ANKRD52: variants seen among roughly 807,000 people sequenced by gnomAD.
The protein encoded by ANKRD52 is ankyrin repeat domain 52, also known as serine/threonine-protein phosphatase 6 regulatory ankyrin repeat subunit C.
A neutral mutation model predicts 116.0 loss-of-function variants in ANKRD52; 7 were observed. The observed-to-expected ratio is 0.06, with a 90% CI of 0.03 to 0.11. ANKRD52 has a LOEUF of 0.11. Among genes scored for constraint, ANKRD52 ranks in the 10% least tolerant of loss-of-function variants. ANKRD52 has a pLI of 1.00. For synonymous variants in ANKRD52, 528 were observed against 578.1 expected (o/e 0.91, Z 1.24); for missense variants, 839 against 1,408.6 (o/e 0.60, Z 6.47).
intron 15 of ANKRD52, among the ~76,000 whole-genome samples, chr12:56,251,759 A>ATCC (rs1871703680): frequency 6.7e-6 from 1 of 150,146 alleles, no homozygotes; most frequent in South Asian, 2.1e-4. Context: ...AAAAAAAAAA[A>ATCC]ATCCATTCCT....
chr12:56,256,891 G>C (rs1871978848), intron 4 of ANKRD52, 124 bp downstream of exon 4: 2 of 1,060,524 alleles, frequency 1.9e-6, no homozygotes, highest in Non-Finnish European at 2.7e-6. Flanking sequence ...GCCAAGATTT[G>C]ATCTCCTCAC....
In ANKRD52 at chr12:56,248,430, AC is replaced by A; in HGVS notation, c.1776+64del. The A allele has an allele frequency of 6.6e-7, 1 of 1,515,562 alleles. No individual in the cohort carries two copies. The highest frequency in any genetic ancestry group is 9.0e-7 in the Non-Finnish European group (1 of 1,110,482). 93.9% of individuals were successfully genotyped at this position (1,515,562 alleles called of 1,614,324 possible). ...GAAGGATAACTTCACAAGTGCTGGC[AC>A]CTTTGTTAGGGCCTGGGAACAGGTA... On this transcript the variant is annotated intron_variant, in intron 17 of 27. Coordinates refer to ENST00000267116, the MANE Select transcript of ANKRD52 (RefSeq NM_173595.4). This position sits in a 1 kb window ranked among gnomAD's most constrained non-coding sequence, Gnocchi z 5.1.
intron 1 of ANKRD52, 88 bp from the exon 2 acceptor site, chr12:56,257,999 G>C: frequency 7.3e-7 from 1 of 1,370,356 alleles, no homozygotes; most frequent in Non-Finnish European, 1.0e-6. Context: ...CTAGGTTTGA[G>C]TGGGGGGCGT....
At position 56,248,967 on chromosome 12, in the gene ANKRD52, C is replaced by A; in HGVS notation, c.1593-97G>T. On this transcript the variant is annotated intron_variant, in intron 15 of 27. Transcript: ENST00000267116. This position sits in a 1 kb window ranked among gnomAD's most constrained non-coding sequence, Gnocchi z 5.1. ...GAGGAGAGGACCAAGGCCCTCCAGG[C>A]CTACCTGGCCGCCACCCGTCCTCAG... 3 of 821,422 alleles carry A rather than the reference C, an allele frequency of 3.7e-6. No homozygotes were observed. The highest frequency in any genetic ancestry group is 5.6e-6 in the Non-Finnish European group (3 of 532,872). The allele number at this position is 821,422 out of a possible 1,614,324, so 50.9% of individuals were successfully genotyped here.
chr12:56,258,295 C>T lies in ANKRD52; in HGVS notation c.-26G>A, dbSNP rs1464588389. ...GGCTCGGCCCGGGCTCCGTCCGCAT[C>T]GAGCTCCCGGCGGCGGCGGCGGCGG... On this transcript the variant is annotated 5_prime_UTR_variant, in exon 1 of 28. Coordinates refer to ENST00000267116, the MANE Select transcript of ANKRD52 (RefSeq NM_173595.4). 1.3e-6 allele frequency: 2 copies of T among 1,549,860 alleles called. No individual in the cohort carries two copies. The highest frequency in any genetic ancestry group is 5.2e-5 in the East Asian group (2 of 38,552).
rs763922562 is a variant in ANKRD52 at position 56,245,433 on chromosome 12, A to G, written c.2348T>C (p.Leu783Pro). Reference protein sequence around the residue: ...LLQAALSTDPLDAGVDYSGYS... With the variant: ...LLQAALSTDPPDAGVDYSGYS... ...TCCGCTGTAATCCACCCCGGCATCC[A>G]GGGGATCTGTGGAAAGGGCAGCCTG... is the stretch of plus-strand genomic sequence containing the variant. Residue 783 changes from leucine (L) to proline (P), a missense_variant, in exon 21 of 28, where the codon CTG becomes CCG. Physicochemically the swap from Leu to Pro is moderately conservative, Grantham distance 98. This residue lies in a region of ANKRD52 where 552 missense variants were observed against 810.6 expected (regional missense o/e 0.68). Transcript: ENST00000267116. 5 of 1,612,952 alleles carry G rather than the reference A, an allele frequency of 3.1e-6. No homozygotes were observed. Among genetic ancestry groups the G allele is most frequent in the Admixed American group, 3.4e-5 (2 of 59,692 alleles).
At position 56,237,899 on chromosome 12, in the gene ANKRD52, G is replaced by A. The variant is rs1450139953; in HGVS notation, c.*5243C>T. 1 of 882,048 alleles carries A rather than the reference G, an allele frequency of 1.1e-6. No individual in the cohort carries two copies. The highest frequency in any genetic ancestry group is 1.6e-6 in the Non-Finnish European group (1 of 618,686). 54.6% of individuals were successfully genotyped at this position (882,048 alleles called of 1,614,324 possible). Reference sequence around the variant, plus strand: ...CCAAAACAGCATAGAAAACCAGAGTGTGGTGGGAGGACCCGAAGCCGGTTG... The same window carrying A: ...CCAAAACAGCATAGAAAACCAGAGTATGGTGGGAGGACCCGAAGCCGGTTG... On this transcript the variant is annotated 3_prime_UTR_variant, in exon 28 of 28. Transcript: ENST00000267116.
In ANKRD52 at chr12:56,243,655, G is replaced by A; in HGVS notation, c.2980+130C>T. 2 of 1,070,924 alleles carry A rather than the reference G, an allele frequency of 1.9e-6. No homozygotes were observed. Among genetic ancestry groups the A allele is most frequent in the Non-Finnish European group, 2.7e-6 (2 of 742,040 alleles). 66.3% of individuals were successfully genotyped at this position (1,070,924 alleles called of 1,614,324 possible). A position where few individuals can be genotyped will look rare whatever the true frequency, so the allele number is the denominator to read the frequency against. On this transcript the variant is annotated intron_variant, in intron 27 of 27. Transcript: ENST00000267116. The surrounding 1 kb of genome is among the most constrained non-coding windows in gnomAD (Gnocchi z 4.6). The stretch of plus-strand genomic sequence containing the variant: ...CCCTCTGAGACTCCAGAGTACTGGT[G>A]TGGGCTCCCTGCTCTGAAGAGTTCC...
At position 56,248,004 on chromosome 12, in the gene ANKRD52, G is replaced by C; in HGVS notation, c.1978+19C>G. 6.3e-7 allele frequency: 1 copy of C among 1,575,900 alleles called. No individual in the cohort carries two copies. Among genetic ancestry groups the C allele is most frequent in the Non-Finnish European group, 8.6e-7 (1 of 1,166,946 alleles). On this transcript the variant is annotated intron_variant, in intron 18 of 27. Transcript: ENST00000267116. This position sits in a 1 kb window ranked among gnomAD's most constrained non-coding sequence, Gnocchi z 5.1. Reference sequence around the variant, plus strand: ...CTGGCATGGCAAGGGTAGGGCAGCAGCCTAAAGTGGGCACTAACCAGCAGC... The same window carrying C: ...CTGGCATGGCAAGGGTAGGGCAGCACCCTAAAGTGGGCACTAACCAGCAGC...
chr12:56,245,588 A>G lies in ANKRD52; in HGVS notation c.2193T>C (p.Thr731=). The G allele has an allele frequency of 6.2e-7, 1 of 1,605,340 alleles. No individual in the cohort carries two copies. Among genetic ancestry groups the G allele is most frequent in the Non-Finnish European group, 8.5e-7 (1 of 1,177,838 alleles). The stretch of plus-strand genomic sequence containing the variant: ...GGGCAGCCAGGCAGTCCTCACAGCC[A>G]GTCACTGCCTGTGAGTAACATGGGG... The part of the protein sequence containing the change: ...GRTALHRGAV[T]GCEDCLAALL... The change falls in exon 21 of 28, where the codon ACT becomes ACC. Residue 731 remains threonine (T), a synonymous_variant. Coordinates refer to ENST00000267116, the MANE Select transcript of ANKRD52 (RefSeq NM_173595.4).
At position 56,255,700 on chromosome 12, in the gene ANKRD52, T is replaced by G; in HGVS notation, c.462+84A>C. On this transcript the variant is annotated intron_variant, in intron 5 of 27. Coordinates refer to ENST00000267116, the MANE Select transcript of ANKRD52 (RefSeq NM_173595.4). This position sits in a 1 kb window ranked among gnomAD's most constrained non-coding sequence, Gnocchi z 4.3. ...ATCCGGGCTGCTTCTCCTTCAGGCT[T>G]GAGGGCCCAGAAGCAGGGAAACGTG... The G allele has an allele frequency of 7.4e-7, 1 of 1,346,706 alleles. No individual in the cohort carries two copies. The highest frequency in any genetic ancestry group is 1.0e-6 in the Non-Finnish European group (1 of 979,540). 83.4% of individuals were successfully genotyped at this position (1,346,706 alleles called of 1,614,324 possible).
At chr12:56,246,399 A>C (rs1286367205) in intron 20 of ANKRD52, among the ~76,000 whole-genome samples, 2 of 152,192 alleles carry the variant, frequency 1.3e-5, no homozygotes, top group Non-Finnish European at 2.9e-5. Flanking sequence ...GCCAGCAGAC[A>C]ATCAGGATAC....
At position 56,238,791 on chromosome 12, in the gene ANKRD52, A is replaced by C. The variant is rs80213595; in HGVS notation, c.*4351T>G. The C allele has an allele frequency of 4.5e-4, 68 of 152,352 alleles. No individual in the cohort carries two copies. Among genetic ancestry groups the C allele is most frequent in the Middle Eastern group, 6.7e-3 (2 of 298 alleles). 9.4% of individuals were successfully genotyped at this position (152,352 alleles called of 1,614,324 possible). On this transcript the variant is annotated 3_prime_UTR_variant, in exon 28 of 28. Coordinates refer to ENST00000267116, the MANE Select transcript of ANKRD52 (RefSeq NM_173595.4). ...GCTGAGCTATCCAGGAACACAAGGG[A>C]AACAAGGAGATTGTCCAGGGTGGGA... is the stretch of plus-strand genomic sequence containing the variant.
At chr12:56,256,198 A>G (rs1871944041) in intron 4 of ANKRD52, among the ~76,000 whole-genome samples, 1 of 152,192 alleles carries the variant, frequency 6.6e-6, no homozygotes, top group Admixed American at 6.5e-5. Flanking sequence ...GATTAAAACA[A>G]GGACCCTTTG....
At chr12:56,258,182 C>G (rs1281758735) in intron 1 of ANKRD52, 61 bp downstream of exon 1, 4 of 1,573,108 alleles carry the variant, frequency 2.5e-6, no homozygotes, top group South Asian at 1.2e-5. Flanking sequence ...CATCCCCGGG[C>G]TCGCGTGACG....
intron 20 of ANKRD52, 132 bp downstream of exon 20, chr12:56,247,361 A>G (rs1021859573): frequency 1.8e-5 from 14 of 770,510 alleles, no homozygotes; most frequent in Admixed American, 1.2e-4. Flanking sequence ...AAAAAAAAAA[A>G]AAAGAAAAAG....
chr12:56,243,080 CT>C lies in ANKRD52; in HGVS notation c.*61del, dbSNP rs1565606561. ...CTTTAAAGTGCCCTAAATGTTTAGA[CT>C]TTTTCTAAATAAATAGAATTAGATA... On this transcript the variant is annotated 3_prime_UTR_variant, in exon 28 of 28. Coordinates refer to ENST00000267116, the MANE Select transcript of ANKRD52 (RefSeq NM_173595.4). The surrounding 1 kb of genome is among the most constrained non-coding windows in gnomAD (Gnocchi z 4.6). 6.7e-7 allele frequency: 1 copy of C among 1,486,586 alleles called. No individual in the cohort carries two copies. The highest frequency in any genetic ancestry group is 1.4e-5 in the African/African-American group (1 of 70,690). 92.1% of individuals were successfully genotyped at this position (1,486,586 alleles called of 1,614,324 possible).
chr12:56,252,678 T>C lies in ANKRD52; in HGVS notation c.1301+102A>G, dbSNP rs1003231666. 7 of 1,539,766 alleles carry C rather than the reference T, an allele frequency of 4.5e-6. No individual in the cohort carries two copies. Among genetic ancestry groups the C allele is most frequent in the Non-Finnish European group, 6.3e-6 (7 of 1,115,970 alleles). The stretch of plus-strand genomic sequence containing the variant: ...GCAAGCCCTTTCTGCTGTGACTGCT[T>C]TCATTGTGAGAGGGGGAATAGATCT... On this transcript the variant is annotated intron_variant, in intron 12 of 27. Transcript: ENST00000267116. The surrounding 1 kb of genome is among the most constrained non-coding windows in gnomAD (Gnocchi z 4.7).
At position 56,254,413 on chromosome 12, in the gene ANKRD52, A is replaced by G; in HGVS notation, c.694-134T>C. 1.4e-6 allele frequency: 2 copies of G among 1,424,574 alleles called. No homozygotes were observed. Among genetic ancestry groups the G allele is most frequent in the Non-Finnish European group, 1.9e-6 (2 of 1,046,542 alleles). The allele number at this position is 1,424,574 out of a possible 1,614,324, so 88.2% of individuals were successfully genotyped here. A position where few individuals can be genotyped will look rare whatever the true frequency, so the allele number is the denominator to read the frequency against. On this transcript the variant is annotated intron_variant, in intron 7 of 27. Transcript: ENST00000267116. The surrounding 1 kb of genome is among the most constrained non-coding windows in gnomAD (Gnocchi z 4.6). ...GGTTTATGACCCAAGGTACTAAGGT[A>G]CTAAGGGCACTATGGCTAAGGTAAG...
Sources: gnomAD v4.1 joint callset for allele counts (sites outside exome capture counted in the v4.1 genomes callset) on GRCh38, gnomAD v4.1.1 for gene constraint, gnomAD v4.1.1 regional missense constraint, Gnocchi (gnomAD v3.1) non-coding constraint, MANE v1.5 for transcripts, NCBI Gene and HGNC (gene_info 2026-07-23, HGNC 2026-07-21) for gene names.